Variants in DLG2 observed in about 807,000 individuals in gnomAD.
The protein encoded by DLG2 is disks large homolog 2.
DLG2 carries 45 observed loss-of-function variants against 132.5 expected under a neutral mutation model. That is an observed-to-expected ratio of 0.34 (90% CI 0.27 to 0.44). The LOEUF is 0.44. DLG2 is among the 20% of genes least tolerant of loss of function. The pLI is 1.00. For missense variants in DLG2, 1,045 were observed against 1,196.9 expected (o/e 0.87, Z 1.87); for synonymous variants, 424 against 419.6 (o/e 1.01, Z -0.13).
At chr11:83,831,112 T>C (rs1250159626) in intron 17 of DLG2, among the ~76,000 whole-genome samples, 1 of 152,222 alleles carries the variant, frequency 6.6e-6, no homozygotes, top group Non-Finnish European at 1.5e-5. Flanking sequence ...CCAGGCATTG[T>C]GCTAAATATT....
rs963282600 is a variant in DLG2, at chr11:84,932,634, G to C, written c.357+179027C>G. Among the ~76,000 whole-genome samples the C allele has an allele frequency of 5.3e-5, 8 of 152,102 alleles. 1 individual carries two copies. The highest frequency in any genetic ancestry group is 4.1e-4 in the South Asian group (2 of 4,832). On this transcript the variant is annotated intron_variant, in intron 6 of 27. Coordinates refer to ENST00000376104, the MANE Select transcript of DLG2 (RefSeq NM_001142699.3). ...TGTTTGGTTTTCTGTTCCTGTGTTAGTCTGCTGGGGATGATGGCTTCCAGC... is the reference window on the plus strand; with the variant it reads ...TGTTTGGTTTTCTGTTCCTGTGTTACTCTGCTGGGGATGATGGCTTCCAGC...
chr11:84,154,277 C>T (rs561635296), intron 9 of DLG2, among the ~76,000 whole-genome samples: 3 of 152,172 alleles, frequency 2.0e-5, no homozygotes, highest in Non-Finnish European at 2.9e-5. Flanking sequence ...GGATTACAGG[C>T]GTGAGCCACT....
At chr11:83,638,492 G>T (rs1248598229) in intron 18 of DLG2, among the ~76,000 whole-genome samples, 1 of 152,184 alleles carries the variant, frequency 6.6e-6, no homozygotes, top group African/African-American at 2.4e-5. Context: ...GCTTGGTAAT[G>T]ACTGTCAATT....
In DLG2 at chr11:84,750,780, T is replaced by C. The variant is rs1318609418; in HGVS notation, c.358-216049A>G. Among the ~76,000 whole-genome samples the C allele has an allele frequency of 2.0e-5, 3 of 152,222 alleles. No individual in the cohort carries two copies. In the East Asian group the frequency reaches 5.8e-4, roughly 29 times the overall value. On this transcript the variant is annotated intron_variant, in intron 6 of 27. Coordinates refer to ENST00000376104, the MANE Select transcript of DLG2 (RefSeq NM_001142699.3). Reference sequence around the variant, plus strand: ...AGAAAGTCAAGGATTTCAAATCACATCTGGAATGGATACTAGGATGATATG... The same window carrying C: ...AGAAAGTCAAGGATTTCAAATCACACCTGGAATGGATACTAGGATGATATG...
chr11:84,416,449 CA>C (rs1282257535), intron 7 of DLG2, among the ~76,000 whole-genome samples: 1 of 152,144 alleles, frequency 6.6e-6, no homozygotes, highest in Non-Finnish European at 1.5e-5. Flanking sequence ...TTTAAAACAA[CA>C]GTAACCAACT....
At chr11:84,270,678 C>T (rs1185988618) in intron 7 of DLG2, among the ~76,000 whole-genome samples, 1 of 152,104 alleles carries the variant, frequency 6.6e-6, no homozygotes, top group African/African-American at 2.4e-5. Flanking sequence ...TAGGTGGCTC[C>T]GCATTCTAAC....
chr11:84,211,020 G>C (rs998161168), intron 8 of DLG2, among the ~76,000 whole-genome samples: 2 of 152,162 alleles, frequency 1.3e-5, no homozygotes, highest in Admixed American at 1.3e-4. Context: ...GAAAAGAAAA[G>C]CTCTGACTTG....
At chr11:85,292,600 T>C (rs1212357890) in intron 3 of DLG2, among the ~76,000 whole-genome samples, 2 of 137,146 alleles carry the variant, frequency 1.5e-5, no homozygotes, top group Admixed American at 1.6e-4. Flanking sequence ...ATTGGGCTTC[T>C]TCTGTGCCTA....
At chr11:84,533,117 GA>G (rs1273058275) in intron 7 of DLG2, among the ~76,000 whole-genome samples, 1 of 152,172 alleles carries the variant, frequency 6.6e-6, no homozygotes, top group Non-Finnish European at 1.5e-5. Context: ...GATTTCTAGG[GA>G]TAGGGAACTT....
intron 6 of DLG2, among the ~76,000 whole-genome samples, chr11:85,024,076 C>T (rs1365789235): frequency 6.6e-6 from 1 of 152,094 alleles, no homozygotes; most frequent in Admixed American, 6.6e-5. Flanking sequence ...CTGGATCTTA[C>T]CATGTCTTCG....
chr11:85,530,099 C>T (rs60484561), intron 3 of DLG2, among the ~76,000 whole-genome samples: 24,691 of 149,294 alleles, frequency 0.17, 2,263 homozygotes, highest in East Asian at 0.28. Flanking sequence ...TGGGTTCAAG[C>T]GATTCTCCTG....
intron 6 of DLG2, among the ~76,000 whole-genome samples, chr11:84,910,277 G>A (rs2091934522): frequency 6.6e-6 from 1 of 152,102 alleles, no homozygotes; most frequent in African/African-American, 2.4e-5. Flanking sequence ...AATGTTTTAG[G>A]CCTAAGGGAA....
chr11:83,622,517 A>T (rs1267475337), intron 19 of DLG2, among the ~76,000 whole-genome samples: 1 of 152,224 alleles, frequency 6.6e-6, no homozygotes, highest in Non-Finnish European at 1.5e-5. Context: ...TCCATTCGAC[A>T]TTTAAATTTT....
At chr11:84,266,248 G>A (rs1456443401) in intron 7 of DLG2, among the ~76,000 whole-genome samples, 2 of 152,170 alleles carry the variant, frequency 1.3e-5, no homozygotes, top group Non-Finnish European at 2.9e-5. Flanking sequence ...AACTTCACAA[G>A]TGAGGAAGAT....
At chr11:84,929,373 G>A (rs1306309064) in intron 6 of DLG2, among the ~76,000 whole-genome samples, 1 of 151,616 alleles carries the variant, frequency 6.6e-6, no homozygotes, top group Non-Finnish European at 1.5e-5. Context: ...CTTTTACATG[G>A]AATTTAAAAA....
At chr11:85,422,223 T>G (rs1440680095) in intron 3 of DLG2, among the ~76,000 whole-genome samples, 1 of 152,230 alleles carries the variant, frequency 6.6e-6, no homozygotes, top group Non-Finnish European at 1.5e-5. Context: ...TGTATTTGGA[T>G]GTCTAGGTCT....
intron 11 of DLG2, among the ~76,000 whole-genome samples, chr11:84,017,650 A>G (rs1410850330): frequency 6.6e-6 from 1 of 152,066 alleles, no homozygotes; most frequent in Admixed American, 6.6e-5. Context: ...TCACACAAAA[A>G]TTACATTTTC....
At chr11:85,250,144 G>C (rs2076328177) in intron 4 of DLG2, among the ~76,000 whole-genome samples, 1 of 152,164 alleles carries the variant, frequency 6.6e-6, no homozygotes, top group African/African-American at 2.4e-5. Flanking sequence ...ACAGCAAGGA[G>C]TATGGTTCAG....
chr11:85,246,591 A>T (rs76581923), intron 4 of DLG2, among the ~76,000 whole-genome samples: 2,215 of 150,904 alleles, frequency 0.015, 61 homozygotes, highest in African/African-American at 0.052. Flanking sequence ...TAAATAATCC[A>T]ACTACTAGAT....
Sources: gnomAD v4.1 joint callset for allele counts (sites outside exome capture counted in the v4.1 genomes callset) on GRCh38, gnomAD v4.1.1 for gene constraint, MANE v1.5 for transcripts, NCBI Gene and HGNC (gene_info 2026-07-23, HGNC 2026-07-21) for gene names.